The following FRY variants were observed in gnomAD, a reference collection of about 807,000 sequenced individuals.
The protein encoded by FRY is FRY microtubule binding protein, also known as protein furry homolog.
A neutral mutation model predicts 348.4 loss-of-function variants in FRY; 128 were observed. The ratio of observed to expected loss-of-function variants is 0.37; its 90% confidence interval spans 0.32 to 0.43. The LOEUF (loss-of-function observed/expected upper bound fraction) is 0.43. FRY is among the 20% of genes least tolerant of loss of function. The probability of loss-of-function intolerance (pLI) is 1.00; values close to 1 mark genes in which losing one functional copy is unlikely to be tolerated. For synonymous variants in FRY, 1,370 were observed against 1,374.7 expected, an observed-to-expected ratio of 1.00 and a Z score of 0.08; for missense variants, 2,736 against 3,695.2, an observed-to-expected ratio of 0.74 and a Z score of 6.73.
At chr13:32,103,626 GT>G (rs1434412495) in intron 3 of FRY, among the ~76,000 whole-genome samples, 3 of 152,020 alleles carry the variant, frequency 2.0e-5, no homozygotes, top group African/African-American at 7.2e-5. Flanking sequence ...AAACCTGCAC[GT>G]TGTGCACATG....
At chr13:32,064,473 T>C (rs1052528863) in intron 1 of FRY, among the ~76,000 whole-genome samples, 1 of 151,942 alleles carries the variant, frequency 6.6e-6, no homozygotes, top group African/African-American at 2.4e-5. Flanking sequence ...GTCCTGTGTG[T>C]TTTTATTCTA....
chr13:32,258,816 C>T (rs1179886962), intron 51 of FRY, among the ~76,000 whole-genome samples: 1 of 151,808 alleles, frequency 6.6e-6, no homozygotes, highest in Non-Finnish European at 1.5e-5. Context: ...GCATTAAAAC[C>T]GGGATCATCC....
intron 4 of FRY, among the ~76,000 whole-genome samples, chr13:32,123,052 A>G (rs1566083498): frequency 6.6e-6 from 1 of 152,212 alleles, no homozygotes; most frequent in Non-Finnish European, 1.5e-5. Context: ...AACACAAACA[A>G]ATGGAAACAT....
At position 32,085,755 on chromosome 13, in the gene FRY, C is replaced by T. The variant is rs983717244; in HGVS notation, c.270+6722C>T. ...CTGGTGCTTCCTCTCTTTGTGTTCA[C>T]GCAAACATAATGGAGGCTTGAGCAG... is the stretch of plus-strand genomic sequence containing the variant. On this transcript the variant is annotated intron_variant, in intron 2 of 60. Coordinates refer to ENST00000542859, the MANE Select transcript of FRY (RefSeq NM_023037.3). 1.3e-4 allele frequency: 54 copies of T among 411,272 alleles called. 2 individuals are homozygous for T. The highest frequency in any genetic ancestry group is 1.5e-4 in the South Asian group (8 of 53,004). 25.5% of individuals were successfully genotyped at this position (411,272 alleles called of 1,614,324 possible). A position where few individuals can be genotyped will look rare whatever the true frequency, so the allele number is the denominator to read the frequency against.
intron 1 of FRY, among the ~76,000 whole-genome samples, chr13:32,055,700 G>A (rs921537475): frequency 3.3e-5 from 5 of 152,132 alleles, no homozygotes; most frequent in African/African-American, 4.8e-5. Flanking sequence ...AAAAGACTGA[G>A]GGCAACAGAA....
At chr13:32,200,595 AAGAG>A (rs1424587838) in intron 29 of FRY, among the ~76,000 whole-genome samples, 2 of 152,180 alleles carry the variant, frequency 1.3e-5, no homozygotes, top group Non-Finnish European at 2.9e-5. Context: ...AAAAATAAAA[AAGAG>A]AGAGAAGAAA....
chr13:32,119,125 C>T (rs558941751), intron 4 of FRY, among the ~76,000 whole-genome samples: 4 of 152,210 alleles, frequency 2.6e-5, no homozygotes, highest in African/African-American at 9.6e-5. Context: ...TAAAATTTGA[C>T]TTAGTAGCAT....
chr13:32,096,260 A>G (rs140312949), intron 2 of FRY, among the ~76,000 whole-genome samples: 1 of 152,306 alleles, frequency 6.6e-6, no homozygotes, highest in African/African-American at 2.4e-5. Flanking sequence ...TCGCAAAGCT[A>G]TCTTTCCAAA....
chr13:32,250,828 C>T (rs905336859), intron 49 of FRY, among the ~76,000 whole-genome samples: 2 of 152,216 alleles, frequency 1.3e-5, no homozygotes, highest in Non-Finnish European at 2.9e-5. Context: ...CAGCTGAAAA[C>T]TTCATTGGAA....
chr13:32,162,616 A>G (rs548133049), intron 17 of FRY, among the ~76,000 whole-genome samples: 46 of 152,210 alleles, frequency 3.0e-4, no homozygotes, highest in South Asian at 6.2e-4. Flanking sequence ...TGACACCACT[A>G]GCACAAGAAC....
At chr13:32,258,120 G>T in intron 51 of FRY, 1 of 678,652 alleles carries the variant, frequency 1.5e-6, no homozygotes, top group South Asian at 1.7e-5. Context: ...TGATATAAGA[G>T]GTATTTTTCT....
chr13:32,080,639 A>C (rs943454103), intron 2 of FRY, among the ~76,000 whole-genome samples: 15 of 152,160 alleles, frequency 9.9e-5, no homozygotes, highest in African/African-American at 3.6e-4. Context: ...CAAGTATCCA[A>C]AGTCCCATTG....
At chr13:32,120,648 C>A (rs1878594285) in intron 4 of FRY, among the ~76,000 whole-genome samples, 1 of 151,976 alleles carries the variant, frequency 6.6e-6, no homozygotes, top group Admixed American at 6.6e-5. Flanking sequence ...TCCCCGAAGT[C>A]CATTGTATCA....
At chr13:32,143,061 G>T (rs1284596485) in intron 11 of FRY, among the ~76,000 whole-genome samples, 1 of 152,134 alleles carries the variant, frequency 6.6e-6, no homozygotes, top group Non-Finnish European at 1.5e-5. Context: ...TTGCAAAAGG[G>T]ATGTTGCAGT....
At chr13:32,179,100 A>G in intron 22 of FRY, 67 bp downstream of exon 22, 1 of 1,278,402 alleles carries the variant, frequency 7.8e-7, no homozygotes, top group Non-Finnish European at 1.1e-6. Context: ...TCTAGAGTTC[A>G]CAGTGCAAAT....
intron 28 of FRY, among the ~76,000 whole-genome samples, chr13:32,192,674 C>G (rs1008618866): frequency 6.6e-6 from 1 of 151,564 alleles, no homozygotes; most frequent in Non-Finnish European, 1.5e-5. Flanking sequence ...AGAATCTTGC[C>G]TTTTCCACCT....
At chr13:32,182,510 A>G (rs934896260) in intron 23 of FRY, among the ~76,000 whole-genome samples, 3 of 152,228 alleles carry the variant, frequency 2.0e-5, no homozygotes, top group Admixed American at 6.5e-5. Context: ...GCACTGTGGT[A>G]ATTGCACCCA....
intron 31 of FRY, among the ~76,000 whole-genome samples, chr13:32,203,924 A>G (rs1035618077): frequency 2.6e-5 from 4 of 152,140 alleles, no homozygotes; most frequent in Admixed American, 2.6e-4. Context: ...CAGTCCATCC[A>G]CTATGCAAAG....
chr13:32,184,908 T>G, intron 25 of FRY, 68 bp from the exon 26 acceptor site: 2 of 1,355,324 alleles, frequency 1.5e-6, no homozygotes, highest in Non-Finnish European at 2.1e-6. Context: ...AATCTTAGTT[T>G]TCATGAAGCC....
Sources: allele counts gnomAD v4.1 joint callset (sites outside exome capture counted in the v4.1 genomes callset), GRCh38; gene constraint gnomAD v4.1.1; transcripts MANE v1.5; gene names NCBI Gene and HGNC (gene_info 2026-07-23, HGNC 2026-07-21).